SLC35F4: variants seen among roughly 807,000 people sequenced by gnomAD.
The protein encoded by SLC35F4 is solute carrier family 35 member F4.
Under a neutral mutation model 44.2 loss-of-function variants are expected in SLC35F4, and 24 were observed. The ratio of observed to expected loss-of-function variants is 0.54; its 90% confidence interval spans 0.39 to 0.76. SLC35F4 has a LOEUF of 0.76. SLC35F4 is among the 30% of genes least tolerant of loss of function. The pLI, the probability that SLC35F4 is intolerant of heterozygous loss-of-function variation, is 0.00. For missense variants in SLC35F4, 562 were observed against 586.1 expected (o/e 0.96, Z 0.42); for synonymous variants, 238 against 223.6 (o/e 1.06, Z -0.57).
chr14:57,836,551 A>G (rs756107070), intron 1 of SLC35F4, among the ~76,000 whole-genome samples: 5 of 152,206 alleles, frequency 3.3e-5, no homozygotes, highest in Non-Finnish European at 7.3e-5. Context: ...TCAGCCTCCC[A>G]AAGTGCTGGG....
At chr14:57,899,848 C>G (rs1309182713) in intron 1 of SLC35F4, among the ~76,000 whole-genome samples, 1 of 152,070 alleles carries the variant, frequency 6.6e-6, no homozygotes, top group Non-Finnish European at 1.5e-5. Context: ...TGTTACAGCT[C>G]TTAAAGATGG....
chr14:57,724,670 A>T (rs905631704), intron 1 of SLC35F4, among the ~76,000 whole-genome samples: 3 of 152,186 alleles, frequency 2.0e-5, no homozygotes, highest in African/African-American at 2.4e-5. Flanking sequence ...AGCCTGCACC[A>T]GTGGCCTCAT....
intron 1 of SLC35F4, among the ~76,000 whole-genome samples, chr14:57,966,422 G>C (rs1189770158): frequency 3.3e-5 from 5 of 152,120 alleles, no homozygotes; most frequent in African/African-American, 1.2e-4. Context: ...GGAGCTATTA[G>C]ACCAAAGTAC....
chr14:57,843,588 T>C (rs1051317541), intron 1 of SLC35F4, among the ~76,000 whole-genome samples: 1 of 152,148 alleles, frequency 6.6e-6, no homozygotes, highest in African/African-American at 2.4e-5. Context: ...TCACCTAAAC[T>C]ACCACCAACT....
chr14:57,885,259 T>A (rs1019225514), intron 1 of SLC35F4, among the ~76,000 whole-genome samples: 1 of 152,216 alleles, frequency 6.6e-6, no homozygotes, highest in Non-Finnish European at 1.5e-5. Context: ...CACCCTACTG[T>A]ACCTTTGAAT....
intron 1 of SLC35F4, among the ~76,000 whole-genome samples, chr14:57,845,538 T>C (rs1595197341): frequency 6.6e-6 from 1 of 152,222 alleles, no homozygotes; most frequent in African/African-American, 2.4e-5. Context: ...CAGGCTTACA[T>C]TGGTTACAAT....
chr14:57,728,160 T>G (rs1304592458), intron 1 of SLC35F4, among the ~76,000 whole-genome samples: 1 of 152,132 alleles, frequency 6.6e-6, no homozygotes, highest in Non-Finnish European at 1.5e-5. Flanking sequence ...CTTCTTACAG[T>G]TTTTGTCTTG....
intron 1 of SLC35F4, among the ~76,000 whole-genome samples, chr14:57,711,527 A>G (rs1442139680): frequency 6.6e-6 from 1 of 152,188 alleles, no homozygotes; most frequent in Non-Finnish European, 1.5e-5. Context: ...TGGAAATTTA[A>G]TTTGGCCCAA....
rs182703371 is a variant in SLC35F4 at position 57,840,062 on chromosome 14, G to A, written c.103+25661C>T. ...AGTGCCTACTCTGTCCCCAGGCACC[G>A]TGCTTAATGTTTTTTACACATATTT... On this transcript the variant is annotated intron_variant, in intron 1 of 7. Coordinates refer to ENST00000556826, the MANE Select transcript of SLC35F4 (RefSeq NM_001306087.2). Among the ~76,000 whole-genome samples the A allele has an allele frequency of 3.2e-3, 484 of 152,212 alleles. 1 individual carries two copies. Among genetic ancestry groups the A allele is most frequent in the Non-Finnish European group, 5.7e-3 (386 of 68,008 alleles).
chr14:57,691,899 G>A (rs985418901), intron 1 of SLC35F4, among the ~76,000 whole-genome samples: 4 of 152,194 alleles, frequency 2.6e-5, no homozygotes, highest in African/African-American at 7.2e-5. Context: ...CTTGCAGGAT[G>A]TGATAGAAGA....
chr14:57,769,195 T>C (rs1485487978), intron 1 of SLC35F4, among the ~76,000 whole-genome samples: 3 of 152,134 alleles, frequency 2.0e-5, no homozygotes, highest in Admixed American at 2.0e-4. Context: ...TTTACTGCTC[T>C]GCATCACTAC....
At chr14:57,982,493 T>C (rs939962044), upstream of SLC35F4, among the ~76,000 whole-genome samples, 4 of 152,086 alleles carry the variant, frequency 2.6e-5, no homozygotes, top group African/African-American at 9.7e-5. Flanking sequence ...TGTTCTATGC[T>C]GCCTCTGATT....
chr14:57,648,671 GAAAGGA>G (rs981400625), intron 1 of SLC35F4, among the ~76,000 whole-genome samples: 15 of 152,270 alleles, frequency 9.9e-5, no homozygotes, highest in African/African-American at 3.4e-4. Flanking sequence ...TTAAAAAGGA[GAAAGGA>G]AACTGAGCTT....
chr14:57,712,032 A>T (rs776302585), intron 1 of SLC35F4, among the ~76,000 whole-genome samples: 8 of 152,206 alleles, frequency 5.3e-5, no homozygotes, highest in Non-Finnish European at 1.0e-4. Flanking sequence ...ATAGCATGGC[A>T]TATGGAGGTT....
intron 1 of SLC35F4, among the ~76,000 whole-genome samples, chr14:57,746,192 C>A (rs567148909): frequency 6.6e-6 from 1 of 151,954 alleles, no homozygotes; most frequent in East Asian, 1.9e-4. Context: ...ATGTAACAAA[C>A]CTGCACGTTG....
chr14:57,848,131 A>C (rs1390712493), intron 1 of SLC35F4, among the ~76,000 whole-genome samples: 1 of 152,230 alleles, frequency 6.6e-6, no homozygotes, highest in Non-Finnish European at 1.5e-5. Context: ...TTTACCACGC[A>C]GAATTTCTCA....
chr14:57,710,126 C>T (rs2075781029), intron 1 of SLC35F4, among the ~76,000 whole-genome samples: 2 of 152,208 alleles, frequency 1.3e-5, no homozygotes, highest in South Asian at 4.1e-4. Flanking sequence ...GGCTGGGACT[C>T]CTGCTCTGTG....
chr14:57,653,021 G>T (rs1315144072), intron 1 of SLC35F4, among the ~76,000 whole-genome samples: 1 of 152,144 alleles, frequency 6.6e-6, no homozygotes, highest in African/African-American at 2.4e-5. Flanking sequence ...TGAGTAATCT[G>T]CTTAGGTTAC....
intron 1 of SLC35F4, among the ~76,000 whole-genome samples, chr14:57,786,389 C>T (rs1180488558): frequency 6.6e-6 from 1 of 152,174 alleles, no homozygotes; most frequent in Non-Finnish European, 1.5e-5. Flanking sequence ...GCCCCGCCCA[C>T]TGCTGGTCCC....
Sources: gnomAD v4.1 joint callset for allele counts (sites outside exome capture counted in the v4.1 genomes callset) on GRCh38, gnomAD v4.1.1 for gene constraint, MANE v1.5 for transcripts, NCBI Gene and HGNC (gene_info 2026-07-23, HGNC 2026-07-21) for gene names.